Variants in POLD2 observed in about 807,000 individuals in gnomAD.
POLD2 encodes the protein DNA polymerase delta subunit 2.
Under a neutral mutation model 48.8 loss-of-function variants are expected in POLD2, and 31 were observed. That is an observed-to-expected ratio of 0.64 (90% CI 0.48 to 0.86). The LOEUF (loss-of-function observed/expected upper bound fraction) is 0.86, where lower values mean the gene tolerates loss of function less well. Among genes scored for constraint, POLD2 ranks in the 40% least tolerant of loss-of-function variants. The probability of loss-of-function intolerance (pLI) is 0.00; values close to 1 mark genes in which losing one functional copy is unlikely to be tolerated. For missense variants in POLD2, 455 were observed against 610.1 expected, an observed-to-expected ratio of 0.75 and a Z score of 2.68; for synonymous variants, 233 against 256.3, an observed-to-expected ratio of 0.91 and a Z score of 0.87.
chr7:44,124,263 C>CT (rs11326087), upstream of POLD2: 6,682 of 141,292 alleles, frequency 0.047, 215 homozygotes, highest in South Asian at 0.069. Flanking sequence ...TTTGGGAATA[C>CT]TTTTTTTTTT....
intron 10 of POLD2, 114 bp from the exon 11 acceptor site, chr7:44,115,059 AG>A: frequency 1.0e-6 from 1 of 963,222 alleles, no homozygotes; most frequent in Non-Finnish European, 1.6e-6. Context: ...CAGTGACAAT[AG>A]GAGACCAGAG....
intron 9 of POLD2, 178 bp from the exon 10 acceptor site, chr7:44,115,574 G>A (rs1048404539): frequency 8.1e-6 from 6 of 744,564 alleles, no homozygotes; most frequent in Non-Finnish European, 1.3e-5. Flanking sequence ...GCCCGTTGGG[G>A]TGGGCAGCCA....
chr7:44,118,240 G>A, intron 2 of POLD2, 176 bp from the exon 3 acceptor site: 1 of 651,086 alleles, frequency 1.5e-6, no homozygotes, highest in Non-Finnish European at 2.5e-6. Flanking sequence ...AAGTGAGTCA[G>A]CCACAGGAGA....
chr7:44,114,765 G>A lies in POLD2; in HGVS notation c.*20C>T, dbSNP rs1432536437. ...AACAGCCTCCATCTGGGCCTCTCTG[G>A]TCAAAACCACTTTTTTGAGTCAGGG... On this transcript the variant is annotated 3_prime_UTR_variant, in exon 11 of 11. Transcript: ENST00000610533. The A allele has an allele frequency of 6.3e-7, 1 of 1,596,310 alleles. No homozygotes were observed. Among genetic ancestry groups the A allele is most frequent in the Non-Finnish European group, 8.6e-7 (1 of 1,167,464 alleles).
chr7:44,121,451 A>G lies in POLD2; in HGVS notation c.220+383T>C, dbSNP rs766970503. On this transcript the variant is annotated intron_variant, in intron 2 of 10. Transcript: ENST00000610533. The surrounding 1 kb of genome is among the most constrained non-coding windows in gnomAD (Gnocchi z 4.5). ...GGGTCCCCTCGAGACCAGAGAGTGC[A>G]TCCTCACCAGTCTTGGCTCCTGGTG... Among the ~76,000 whole-genome samples the G allele has an allele frequency of 6.6e-6, 1 of 152,218 alleles. No homozygotes were observed. Among genetic ancestry groups the G allele is most frequent in the Non-Finnish European group, 1.5e-5 (1 of 68,042 alleles).
intron 1 of POLD2, chr7:44,122,566 T>C: frequency 1.8e-6 from 1 of 541,088 alleles, no homozygotes; most frequent in Non-Finnish European, 2.4e-6. Context: ...AAAACATAAA[T>C]CAGTCACTGC....
chr7:44,123,590 C>T, upstream of POLD2: 2 of 1,447,616 alleles, frequency 1.4e-6, no homozygotes, highest in Non-Finnish European at 1.8e-6. Context: ...CGCGCGGCTT[C>T]CCCGCCCATC....
Position 44,116,548 on chromosome 7 carries a change from A to C in POLD2, c.781-38T>G. ...CCCAGAAGGCCATCAGGCCCAGGCG[A>C]GTCCCAGGCTCAGAGGAGAGTAGAG... On this transcript the variant is annotated intron_variant, in intron 6 of 10. Transcript: ENST00000610533. The surrounding 1 kb of genome is among the most constrained non-coding windows in gnomAD (Gnocchi z 6.1). The C allele has an allele frequency of 2.0e-6, 3 of 1,480,044 alleles. No individual in the cohort carries two copies. In the African/African-American group the frequency reaches 4.2e-5, roughly 21 times the overall value. 91.7% of individuals were successfully genotyped at this position (1,480,044 alleles called of 1,614,324 possible).
chr7:44,121,336 G>A lies in POLD2; in HGVS notation c.220+498C>T, dbSNP rs1451379595. Among the ~76,000 whole-genome samples, 1 of 152,128 alleles carries A rather than the reference G, an allele frequency of 6.6e-6. No homozygotes were observed. Among genetic ancestry groups the A allele is most frequent in the Non-Finnish European group, 1.5e-5 (1 of 68,020 alleles). Reference sequence around the variant, plus strand: ...TGTGTTGGGCAGGCCACTTTATTAGGAAAGACAGAGGGCCCAAGGGACAGG... The same window carrying A: ...TGTGTTGGGCAGGCCACTTTATTAGAAAAGACAGAGGGCCCAAGGGACAGG... On this transcript the variant is annotated intron_variant, in intron 2 of 10. Transcript: ENST00000610533. The surrounding 1 kb of genome is among the most constrained non-coding windows in gnomAD (Gnocchi z 4.5).
intron 2 of POLD2, 21 bp from the exon 3 acceptor site, chr7:44,118,085 A>C (rs1290484510): frequency 6.2e-7 from 1 of 1,613,166 alleles, no homozygotes. Context: ...AGGGGTACAG[A>C]CTCAGAGATG....
chr7:44,117,518 ACC>A, intron 4 of POLD2, 99 bp downstream of exon 4: 1 of 1,403,440 alleles, frequency 7.1e-7, no homozygotes, highest in Non-Finnish European at 9.8e-7. Flanking sequence ...CCCAGGCCAC[ACC>A]CCCCCACTCC....
intron 1 of POLD2, 51 bp downstream of exon 1, chr7:44,123,460 G>A: frequency 3.3e-6 from 5 of 1,493,004 alleles, no homozygotes; most frequent in Non-Finnish European, 3.5e-6. Context: ...CCGGCCTCGC[G>A]GCCTGGAACT....
rs984162719 is a variant in POLD2 at position 44,122,198 on chromosome 7, G to A, written c.-56-89C>T. ...TGTCTCACTGCACCCAAAGGATACT[G>A]GGAAAAGAAGGAGAACAGCTGTAGT... is the stretch of plus-strand genomic sequence containing the variant. On this transcript the variant is annotated intron_variant, in intron 1 of 10. Coordinates refer to ENST00000610533, the MANE Select transcript of POLD2 (RefSeq NM_006230.4). 1.7e-5 allele frequency: 25 copies of A among 1,442,364 alleles called. No individual in the cohort carries two copies. The South Asian group carries it at 3.4e-4, about 20-fold the overall frequency. The allele number at this position is 1,442,364 out of a possible 1,614,324, so 89.3% of individuals were successfully genotyped here.
chr7:44,114,840 A>T lies in POLD2; in HGVS notation c.1355T>A (p.Phe452Tyr). ...ATCGTCCTCTGCCCCGAAGCCCGAG[A>T]AGCTGATGGGCTGGCAGGCCAGGCT... The part of the protein sequence containing the change: ...LRSLACQPIS[F>Y]SGFGAEDDDL... The change falls in exon 11 of 11, where the codon TTC becomes TAC. Residue 452 changes from phenylalanine (F) to tyrosine (Y), a missense_variant. Physicochemically the swap from Phe to Tyr is conservative, Grantham distance 22. Transcript: ENST00000610533. 6 of 1,614,028 alleles carry T rather than the reference A, an allele frequency of 3.7e-6. No homozygotes were observed. Among genetic ancestry groups the T allele is most frequent in the Non-Finnish European group, 5.1e-6 (6 of 1,179,910 alleles).
At position 44,116,686 on chromosome 7, in the gene POLD2, G is replaced by C. The variant is rs2096240192; in HGVS notation, c.780+131C>G. 9.3e-7 allele frequency: 1 copy of C among 1,069,872 alleles called. No individual in the cohort carries two copies. The highest frequency in any genetic ancestry group is 1.4e-6 in the Non-Finnish European group (1 of 729,588). The allele number at this position is 1,069,872 out of a possible 1,614,324, so 66.3% of individuals were successfully genotyped here. ...AGGAGCCCCATTGCAGGAGGCCCCA[G>C]AGTCACTGCAGGGCGCTTCCCACCG... On this transcript the variant is annotated intron_variant, in intron 6 of 10. Coordinates refer to ENST00000610533, the MANE Select transcript of POLD2 (RefSeq NM_006230.4). This position sits in a 1 kb window ranked among gnomAD's most constrained non-coding sequence, Gnocchi z 6.1.
chr7:44,122,291 GT>G (rs1464368096), intron 1 of POLD2, 182 bp from the exon 2 acceptor site: 12 of 1,399,998 alleles, frequency 8.6e-6, no homozygotes, highest in Non-Finnish European at 1.0e-5. Flanking sequence ...CCCTGTAGCG[GT>G]CATCCAAAAA....
At chr7:44,114,971 C>G in intron 10 of POLD2, 26 bp from the exon 11 acceptor site, 1 of 1,577,798 alleles carries the variant, frequency 6.3e-7, no homozygotes, top group African/African-American at 1.4e-5. Context: ...ATAGGACCCA[C>G]TGTAGGTTCC....
At position 44,116,623 on chromosome 7, in the gene POLD2, T is replaced by A; in HGVS notation, c.781-113A>T. On this transcript the variant is annotated intron_variant, in intron 6 of 10. Coordinates refer to ENST00000610533, the MANE Select transcript of POLD2 (RefSeq NM_006230.4). This position sits in a 1 kb window ranked among gnomAD's most constrained non-coding sequence, Gnocchi z 6.1. ...GTTGTCCCATAGACCCTCACTCCCT[T>A]CAAGCCTCCCACCATCCTCAGCGAG... is the stretch of plus-strand genomic sequence containing the variant. The A allele has an allele frequency of 9.7e-7, 1 of 1,031,356 alleles. No individual in the cohort carries two copies. The highest frequency in any genetic ancestry group is 2.1e-5 in the Admixed American group (1 of 48,264). 63.9% of individuals were successfully genotyped at this position (1,031,356 alleles called of 1,614,324 possible). A position where few individuals can be genotyped will look rare whatever the true frequency, so the allele number is the denominator to read the frequency against.
chr7:44,123,712 C>T (rs902712164), upstream of POLD2: 47 of 1,347,632 alleles, frequency 3.5e-5, 1 homozygote, highest in African/African-American at 6.8e-4. Context: ...GGAGCCACAC[C>T]CTCGGTTTCC....
Sources: gnomAD v4.1 joint callset for allele counts (sites outside exome capture counted in the v4.1 genomes callset) on GRCh38, gnomAD v4.1.1 for gene constraint, Gnocchi (gnomAD v3.1) non-coding constraint, MANE v1.5 for transcripts, NCBI Gene and HGNC (gene_info 2026-07-23, HGNC 2026-07-21) for gene names.